Variants in SLC9A3 observed in about 807,000 individuals in gnomAD.
SLC9A3 encodes sodium/hydrogen exchanger 3.
Under a neutral mutation model 86.8 loss-of-function variants are expected in SLC9A3, and 37 were observed. That is an observed-to-expected ratio of 0.43 (90% CI 0.33 to 0.56). The LOEUF (loss-of-function observed/expected upper bound fraction) is 0.56. SLC9A3 is among the 20% of genes least tolerant of loss of function. SLC9A3 has a pLI of 0.06. For missense variants in SLC9A3, 1,011 were observed against 1,171.9 expected (o/e 0.86, Z 2.00); for synonymous variants, 581 against 528.3 (o/e 1.10, Z -1.37).
intron 1 of SLC9A3, among the ~76,000 whole-genome samples, chr5:510,215 AC>A (rs1740817223): frequency 6.6e-6 from 1 of 152,204 alleles, no homozygotes; most frequent in African/African-American, 2.4e-5. Context: ...AGCGACAGAG[AC>A]CATCGTTCCC....
intron 1 of SLC9A3, among the ~76,000 whole-genome samples, chr5:499,748 A>G (rs934215507): frequency 6.6e-6 from 1 of 152,148 alleles, no homozygotes. Flanking sequence ...GGTGGCTGGC[A>G]GGGCCCGAGA....
rs1479567917 is a variant in SLC9A3, at chr5:497,827, C to T, written c.212-5756G>A. ...CCGGGTGGGGTCGCCCGGCCGCATCCCCAGCCTCTGCCCCTGTCCCGGGTG... is the reference window on the plus strand; with the variant it reads ...CCGGGTGGGGTCGCCCGGCCGCATCTCCAGCCTCTGCCCCTGTCCCGGGTG... On this transcript the variant is annotated intron_variant, in intron 1 of 16. Coordinates refer to ENST00000264938, the MANE Select transcript of SLC9A3 (RefSeq NM_004174.4). The surrounding 1 kb of genome is among the most constrained non-coding windows in gnomAD (Gnocchi z 5.4). 4.1e-5 allele frequency among the ~76,000 whole-genome samples: 2 copies of T among 48,844 alleles called. No homozygotes were observed. The highest frequency in any genetic ancestry group is 7.3e-5 in the African/African-American group (1 of 13,658). The allele number at this position is 48,844 out of a possible 152,430, so 32.0% of individuals were successfully genotyped here.
intron 1 of SLC9A3, among the ~76,000 whole-genome samples, chr5:499,298 G>T (rs1463399764): frequency 6.6e-6 from 1 of 152,260 alleles, no homozygotes; most frequent in Admixed American, 6.5e-5. Context: ...AAGTCCCTGT[G>T]CTGTGAGCCC....
chr5:479,304 G>A (rs1428735161), intron 10 of SLC9A3: 1 of 156,488 alleles, frequency 6.4e-6, no homozygotes, highest in Non-Finnish European at 1.4e-5. Context: ...GTGGCCTCGG[G>A]GCTGGGTGGG....
intron 6 of SLC9A3, 55 bp downstream of exon 6, chr5:483,207 G>A (rs1269603797): frequency 2.6e-5 from 35 of 1,356,134 alleles, no homozygotes; most frequent in East Asian, 5.1e-5. Context: ...GCGCCTTCCC[G>A]GAGACGGTGC....
intron 1 of SLC9A3, among the ~76,000 whole-genome samples, chr5:499,988 C>G (rs1740187870): frequency 6.6e-6 from 1 of 152,250 alleles, no homozygotes; most frequent in Admixed American, 6.5e-5. Context: ...CAGGGCACAG[C>G]CTCCTCGGCC....
rs1482918956 is a variant in SLC9A3, at chr5:472,919, C to T, written c.*460G>A. Reference sequence around the variant, plus strand: ...GTTTCCCGGCAGCGGTGGGAAAGGGCGCGAGCGGCCAGCCATGGCGCGCGG... The same window carrying T: ...GTTTCCCGGCAGCGGTGGGAAAGGGTGCGAGCGGCCAGCCATGGCGCGCGG... On this transcript the variant is annotated 3_prime_UTR_variant, in exon 17 of 17. Transcript: ENST00000264938. 3.7e-6 allele frequency: 2 copies of T among 538,648 alleles called. No individual in the cohort carries two copies. The highest frequency in any genetic ancestry group is 7.4e-5 in the East Asian group (2 of 27,118). The allele number at this position is 538,648 out of a possible 1,614,324, so 33.4% of individuals were successfully genotyped here. A position where few individuals can be genotyped will look rare whatever the true frequency, so the allele number is the denominator to read the frequency against.
chr5:522,171 C>T (rs932621460), intron 1 of SLC9A3, among the ~76,000 whole-genome samples: 1 of 152,236 alleles, frequency 6.6e-6, no homozygotes, highest in African/African-American at 2.4e-5. Flanking sequence ...TGAGTGCTAT[C>T]AGGGTGGGCC....
chr5:513,654 T>C (rs1733637789), intron 1 of SLC9A3, among the ~76,000 whole-genome samples: 1 of 152,160 alleles, frequency 6.6e-6, no homozygotes, highest in Non-Finnish European at 1.5e-5. Context: ...AGCACACACA[T>C]GCCACCTCCA....
intron 2 of SLC9A3, among the ~76,000 whole-genome samples, chr5:490,841 C>T (rs2126628978): frequency 6.6e-6 from 1 of 152,350 alleles, no homozygotes; most frequent in African/African-American, 2.4e-5. Context: ...TTTCCCTGGG[C>T]TGCACCTGGT....
intron 1 of SLC9A3, among the ~76,000 whole-genome samples, chr5:508,128 G>C (rs1168014763): frequency 6.6e-6 from 1 of 152,254 alleles, no homozygotes; most frequent in Non-Finnish European, 1.5e-5. Flanking sequence ...CAGGCGCGGA[G>C]CCCAGCTATG....
intron 1 of SLC9A3, among the ~76,000 whole-genome samples, chr5:501,937 G>C (rs1263539623): frequency 6.6e-6 from 1 of 152,228 alleles, no homozygotes; most frequent in East Asian, 1.9e-4. Context: ...GCCCCTCTCC[G>C]AGCGAGGCCG....
chr5:484,675 C>A lies in SLC9A3; in HGVS notation c.777G>T (p.Leu259=), dbSNP rs772684617. The change falls in exon 5 of 17, where the codon CTG becomes CTT. Residue 259 remains leucine, a synonymous_variant. Transcript: ENST00000264938. ...KGIVSFFVVS[L]GGTLVGVVFA... ...AGACCACCCCCACCAGCGTGCCCCC[C>A]AGGCTCACCACGAAGAAGGACACTG... 2.5e-6 allele frequency: 4 copies of A among 1,613,044 alleles called. No homozygotes were observed. Among genetic ancestry groups the A allele is most frequent in the Admixed American group, 3.3e-5 (2 of 60,030 alleles).
chr5:518,041 A>G (rs1733786397), intron 1 of SLC9A3, among the ~76,000 whole-genome samples: 3 of 152,178 alleles, frequency 2.0e-5, no homozygotes, highest in African/African-American at 7.2e-5. Flanking sequence ...ATCCATCCAC[A>G]TGTCCATTCA....
chr5:493,801 GCTCT>G (rs1329955074), intron 1 of SLC9A3, among the ~76,000 whole-genome samples: 3 of 152,190 alleles, frequency 2.0e-5, no homozygotes, highest in Admixed American at 6.5e-5. Flanking sequence ...TGCCCCACAG[GCTCT>G]CTGAGCCCCC....
intron 1 of SLC9A3, among the ~76,000 whole-genome samples, chr5:500,970 C>T (rs746112439): frequency 1.1e-4 from 16 of 142,792 alleles, no homozygotes; most frequent in Non-Finnish European, 1.5e-4. Context: ...TGCCACAGCC[C>T]GTGTGGCTTC....
chr5:481,475 G>A (rs1739161028), intron 9 of SLC9A3, 90 bp downstream of exon 9: 1 of 1,110,406 alleles, frequency 9.0e-7, no homozygotes, highest in Non-Finnish European at 1.4e-6. Flanking sequence ...TCAAACAGTT[G>A]TTATGCATGT....
rs972704618 is a variant in SLC9A3, at chr5:491,206, C to T, written c.514+563G>A. ...CACCTGGTCAAAGCTGTAGCATCCC[C>T]GGCAGCAGCGGCGGGCATCAGGGCT... is the stretch of plus-strand genomic sequence containing the variant. On this transcript the variant is annotated intron_variant, in intron 2 of 16. Transcript: ENST00000264938. The surrounding 1 kb of genome is among the most constrained non-coding windows in gnomAD (Gnocchi z 9.2). Among the ~76,000 whole-genome samples the T allele has an allele frequency of 3.8e-4, 58 of 152,172 alleles. No homozygotes were observed. The highest frequency in any genetic ancestry group is 1.4e-3 in the African/African-American group (56 of 41,436).
At chr5:482,509 C>A (rs762396065) in intron 7 of SLC9A3, 39 bp downstream of exon 7, 2 of 1,534,352 alleles carry the variant, frequency 1.3e-6, no homozygotes, top group Admixed American at 1.7e-5. Flanking sequence ...CCCTCGCGGG[C>A]GGGGCCGAGA....
Sources: allele counts gnomAD v4.1 joint callset (sites outside exome capture counted in the v4.1 genomes callset), GRCh38; gene constraint gnomAD v4.1.1; non-coding constraint Gnocchi (gnomAD v3.1); transcripts MANE v1.5; gene names NCBI Gene and HGNC (gene_info 2026-07-23, HGNC 2026-07-21).